ARB2A: variants seen among roughly 807,000 people sequenced by gnomAD.
The protein encoded by ARB2A is cotranscriptional regulator ARB2A.
chr5:93,982,950 G>T, the ARB2A span, among the ~76,000 whole-genome samples: 1 of 152,110 alleles, frequency 6.6e-6, no homozygotes, highest in Non-Finnish European at 1.5e-5. Context: ...AAGCTACCTG[G>T]GAGGCTAAGG....
At chr5:94,007,840 C>G in the ARB2A span, among the ~76,000 whole-genome samples, 3 of 151,324 alleles carry the variant, frequency 2.0e-5, no homozygotes, top group Non-Finnish European at 4.4e-5. Flanking sequence ...AATAATATCA[C>G]AGCAAGCAAC....
the ARB2A span, among the ~76,000 whole-genome samples, chr5:93,627,573 T>C: frequency 6.6e-6 from 1 of 151,306 alleles, no homozygotes; most frequent in African/African-American, 2.4e-5. Flanking sequence ...GCTTCCTGAG[T>C]AGCTGGGATT....
the ARB2A span, among the ~76,000 whole-genome samples, chr5:93,796,773 G>A: frequency 1.3e-5 from 2 of 152,132 alleles, no homozygotes; most frequent in African/African-American, 4.8e-5. Flanking sequence ...TGGATTACAT[G>A]CTGGAAACAT....
the ARB2A span, among the ~76,000 whole-genome samples, chr5:93,841,919 A>G: frequency 6.6e-6 from 1 of 152,182 alleles, no homozygotes; most frequent in South Asian, 2.1e-4. Flanking sequence ...CTGAAAGTTC[A>G]ATGTGTCGTT....
At chr5:93,846,228 G>A in the ARB2A span, among the ~76,000 whole-genome samples, 1 of 152,150 alleles carries the variant, frequency 6.6e-6, no homozygotes, top group Non-Finnish European at 1.5e-5. Context: ...GCTGGGCCCA[G>A]TGTGGTGGCT....
At chr5:93,700,447 T>G in the ARB2A span, among the ~76,000 whole-genome samples, 1 of 152,006 alleles carries the variant, frequency 6.6e-6, no homozygotes, top group Non-Finnish European at 1.5e-5. Flanking sequence ...CAACTGAATT[T>G]AGGGTAATGG....
chr5:93,973,191 A>G, the ARB2A span, among the ~76,000 whole-genome samples: 3 of 151,754 alleles, frequency 2.0e-5, no homozygotes, highest in African/African-American at 7.3e-5. Context: ...AACTTATGCA[A>G]TCCTCCCAAC....
At chr5:94,075,668 C>T in the ARB2A span, among the ~76,000 whole-genome samples, 2 of 152,058 alleles carry the variant, frequency 1.3e-5, no homozygotes, top group African/African-American at 4.8e-5. Context: ...ATTTGACTTG[C>T]TATCCATAAG....
At chr5:93,881,312 G>C in the ARB2A span, 1 of 536,550 alleles carries the variant, frequency 1.9e-6, no homozygotes, top group Non-Finnish European at 3.2e-6. Flanking sequence ...TTGTAATTCT[G>C]AATTTAAAAA....
the ARB2A span, among the ~76,000 whole-genome samples, chr5:93,643,378 C>A: frequency 6.6e-6 from 1 of 152,044 alleles, no homozygotes. Context: ...ACATATGAAT[C>A]AATAGATTAC....
At chr5:94,083,470 A>G in the ARB2A span, among the ~76,000 whole-genome samples, 1 of 152,166 alleles carries the variant, frequency 6.6e-6, no homozygotes, top group African/African-American at 2.4e-5. Context: ...TTCAAAACCT[A>G]TTTTTGGAAA....
the ARB2A span, among the ~76,000 whole-genome samples, chr5:94,098,168 A>C: frequency 6.6e-6 from 1 of 152,160 alleles, no homozygotes; most frequent in Non-Finnish European, 1.5e-5. Flanking sequence ...GGCATCAAAG[A>C]GTATAAAAGC....
the ARB2A span, among the ~76,000 whole-genome samples, chr5:93,799,690 A>G: frequency 3.3e-5 from 5 of 152,118 alleles, no homozygotes; most frequent in Non-Finnish European, 5.9e-5. Flanking sequence ...CTAACATTTC[A>G]AATTATAAAG....
At chr5:94,013,083 C>T in the ARB2A span, among the ~76,000 whole-genome samples, 2 of 151,566 alleles carry the variant, frequency 1.3e-5, no homozygotes, top group Admixed American at 1.3e-4. Flanking sequence ...CAAGCAAACT[C>T]GTTTTGCAGA....
the ARB2A span, among the ~76,000 whole-genome samples, chr5:93,855,425 G>A: frequency 6.6e-6 from 1 of 152,134 alleles, no homozygotes; most frequent in Non-Finnish European, 1.5e-5. Flanking sequence ...TTGCCAGTCT[G>A]TGTCTTTTAA....
chr5:93,912,498 C>T, the ARB2A span, among the ~76,000 whole-genome samples: 1 of 151,654 alleles, frequency 6.6e-6, no homozygotes, highest in Non-Finnish European at 1.5e-5. Context: ...CATCCACTTA[C>T]CTAAAAAGTT....
chr5:94,050,673 T>G, the ARB2A span: 1 of 1,342,428 alleles, frequency 7.4e-7, no homozygotes, highest in Non-Finnish European at 1.0e-6. Context: ...CTTCAAAACT[T>G]TTATTCTGAA....
chr5:94,028,632 T>C, the ARB2A span, among the ~76,000 whole-genome samples: 3 of 152,184 alleles, frequency 2.0e-5, no homozygotes, highest in Non-Finnish European at 4.4e-5. Context: ...ATATTTAATT[T>C]TGAAAATGTT....
At chr5:93,661,328 G>A in the ARB2A span, among the ~76,000 whole-genome samples, 1 of 152,134 alleles carries the variant, frequency 6.6e-6, no homozygotes, top group African/African-American at 2.4e-5. Context: ...CCCCAAACTA[G>A]GGATAGTAAT....
Sources: allele counts gnomAD v4.1 joint callset (sites outside exome capture counted in the v4.1 genomes callset), GRCh38; gene constraint gnomAD v4.1.1; transcripts MANE v1.5; gene names NCBI Gene and HGNC (gene_info 2026-07-23, HGNC 2026-07-21).